Variants in MARCHF1 observed in about 807,000 individuals in gnomAD.
The protein encoded by MARCHF1 is E3 ubiquitin-protein ligase MARCHF1.
MARCHF1 carries 40 observed loss-of-function variants against 54.2 expected under a neutral mutation model. The observed-to-expected ratio is 0.74, with a 90% CI of 0.57 to 0.96. MARCHF1 has a LOEUF of 0.96. Among genes scored for constraint, MARCHF1 ranks in the 40% least tolerant of loss-of-function variants. The probability of loss-of-function intolerance (pLI) is 0.00; values close to 1 mark genes in which losing one functional copy is unlikely to be tolerated. For missense variants in MARCHF1, 586 were observed against 656.5 expected, an observed-to-expected ratio of 0.89 and a Z score of 1.17; for synonymous variants, 236 against 236.3, an observed-to-expected ratio of 1.00 and a Z score of 0.01.
At chr4:163,560,000 T>A (rs1455775555) in intron 8 of MARCHF1, among the ~76,000 whole-genome samples, 1 of 151,358 alleles carries the variant, frequency 6.6e-6, no homozygotes, top group Admixed American at 6.6e-5. Flanking sequence ...ACATTTGATA[T>A]GAAAATATTA....
chr4:164,324,546 C>T (rs1305038743), intron 1 of MARCHF1, among the ~76,000 whole-genome samples: 6 of 151,366 alleles, frequency 4.0e-5, no homozygotes, highest in Non-Finnish European at 7.4e-5. Context: ...AATCTCTATA[C>T]TCAATGTAAT....
chr4:163,933,802 G>T (rs1751733113), intron 3 of MARCHF1, among the ~76,000 whole-genome samples: 1 of 152,160 alleles, frequency 6.6e-6, no homozygotes, highest in African/African-American at 2.4e-5. Context: ...AATGCCTCCT[G>T]TATCACATAT....
chr4:164,248,405 G>A (rs1413550537), intron 1 of MARCHF1, among the ~76,000 whole-genome samples: 1 of 152,038 alleles, frequency 6.6e-6, no homozygotes, highest in Non-Finnish European at 1.5e-5. Context: ...AGGGCTACAA[G>A]ATTATTATAA....
intron 2 of MARCHF1, among the ~76,000 whole-genome samples, chr4:164,037,081 T>C (rs568072170): frequency 1.3e-5 from 2 of 152,248 alleles, no homozygotes; most frequent in South Asian, 4.2e-4. Context: ...GCTTGAACAA[T>C]TGAACAGATG....
chr4:164,348,950 A>G (rs927339779), intron 1 of MARCHF1, among the ~76,000 whole-genome samples: 2 of 152,210 alleles, frequency 1.3e-5, no homozygotes, highest in Non-Finnish European at 2.9e-5. Context: ...TTCATAATCA[A>G]CAAAACCTGC....
At chr4:163,644,410 T>A (rs1002595442) in intron 5 of MARCHF1, among the ~76,000 whole-genome samples, 15 of 152,262 alleles carry the variant, frequency 9.9e-5, no homozygotes, top group South Asian at 4.1e-4. Context: ...CAATCTTGAT[T>A]GTGGACAACT....
chr4:163,822,612 T>C (rs1195162882), intron 4 of MARCHF1, among the ~76,000 whole-genome samples: 1 of 151,966 alleles, frequency 6.6e-6, no homozygotes, highest in Non-Finnish European at 1.5e-5. Flanking sequence ...ATTTTGTTTT[T>C]TATTGGTGAT....
chr4:163,895,076 A>G (rs1750776707), intron 3 of MARCHF1, among the ~76,000 whole-genome samples: 1 of 151,994 alleles, frequency 6.6e-6, no homozygotes, highest in African/African-American at 2.4e-5. Context: ...TATGCATGTG[A>G]TGCATATATA....
chr4:163,602,616 CA>C (rs539069411), intron 7 of MARCHF1, among the ~76,000 whole-genome samples: 186 of 152,140 alleles, frequency 1.2e-3, no homozygotes, highest in African/African-American at 4.4e-3. Context: ...TTTGTTCTGA[CA>C]AGACTTAGCA....
intron 1 of MARCHF1, among the ~76,000 whole-genome samples, chr4:164,133,764 T>C (rs1218640376): frequency 1.3e-5 from 2 of 152,130 alleles, no homozygotes; most frequent in African/African-American, 4.8e-5. Flanking sequence ...ATCTCAGCAG[T>C]GGGCACTGCC....
chr4:163,542,596 G>T lies in MARCHF1; in HGVS notation c.1339+3000C>A, dbSNP rs557323315. Among the ~76,000 whole-genome samples, 16 of 152,284 alleles carry T rather than the reference G, an allele frequency of 1.1e-4. No homozygotes were observed. The East Asian group carries it at 3.1e-3, about 29-fold the overall frequency. ...ATGCAGTAAATGTGGAGAAGCCCTG[G>T]GGAGGGTAAATGCAGGATGCTATGG... On this transcript the variant is annotated intron_variant, in intron 9 of 9. Transcript: ENST00000514618.
At chr4:164,203,585 A>C (rs934781573) in intron 1 of MARCHF1, among the ~76,000 whole-genome samples, 1 of 152,192 alleles carries the variant, frequency 6.6e-6, no homozygotes, top group Admixed American at 6.5e-5. Context: ...CAGCTGTTTC[A>C]ATGTTAATTT....
intron 5 of MARCHF1, among the ~76,000 whole-genome samples, chr4:163,668,161 C>T (rs1022916847): frequency 6.6e-6 from 1 of 152,084 alleles, no homozygotes; most frequent in African/African-American, 2.4e-5. Context: ...TGTAGACTAC[C>T]ATTCTTTGGG....
intron 4 of MARCHF1, among the ~76,000 whole-genome samples, chr4:163,834,383 T>G (rs1019152595): frequency 6.6e-6 from 1 of 152,204 alleles, no homozygotes; most frequent in South Asian, 2.1e-4. Context: ...CATAATTTAT[T>G]ATATTTTCTC....
chr4:163,747,347 T>C (rs1052277425), intron 4 of MARCHF1, among the ~76,000 whole-genome samples: 2 of 152,174 alleles, frequency 1.3e-5, no homozygotes, highest in African/African-American at 4.8e-5. Flanking sequence ...GAAACAAATA[T>C]AAATTTTCTC....
In MARCHF1 at chr4:163,647,854, A is replaced by C. The variant is rs544948846; in HGVS notation, c.163-34461T>G. On this transcript the variant is annotated intron_variant, in intron 5 of 9. Transcript: ENST00000514618. The stretch of plus-strand genomic sequence containing the variant: ...TTTCATCTCAAGAAACTAGAAAAAG[A>C]AGAACAAAAGAAGTCCAAAGTTAAC... 2.0e-5 allele frequency among the ~76,000 whole-genome samples: 3 copies of C among 151,812 alleles called. No individual in the cohort carries two copies. In the South Asian group the frequency reaches 6.2e-4, roughly 31 times the overall value.
intron 2 of MARCHF1, among the ~76,000 whole-genome samples, chr4:164,038,189 T>C (rs1754049510): frequency 6.6e-6 from 1 of 152,084 alleles, no homozygotes; most frequent in Non-Finnish European, 1.5e-5. Flanking sequence ...TATCTTAAAG[T>C]AAAAGCTTAA....
chr4:164,263,879 G>T (rs560177739), intron 1 of MARCHF1, among the ~76,000 whole-genome samples: 18 of 152,158 alleles, frequency 1.2e-4, no homozygotes, highest in Non-Finnish European at 2.5e-4. Context: ...AAAAGGGAAT[G>T]CTTATACACT....
intron 1 of MARCHF1, among the ~76,000 whole-genome samples, chr4:164,173,068 A>G (rs1178755243): frequency 6.6e-6 from 1 of 152,206 alleles, no homozygotes; most frequent in Admixed American, 6.5e-5. Context: ...TTAAACTACA[A>G]TTTGCAAGTT....
Sources: gnomAD v4.1 joint callset for allele counts (sites outside exome capture counted in the v4.1 genomes callset) on GRCh38, gnomAD v4.1.1 for gene constraint, MANE v1.5 for transcripts, NCBI Gene and HGNC (gene_info 2026-07-23, HGNC 2026-07-21) for gene names.